The following TBC1D16 variants were observed in gnomAD, a reference collection of about 807,000 sequenced individuals.
TBC1D16 encodes CTD-2529O21.1.
Under a neutral mutation model 74.7 loss-of-function variants are expected in TBC1D16, and 58 were observed. That is an observed-to-expected ratio of 0.78 (90% CI 0.63 to 0.97). TBC1D16 has a LOEUF of 0.97. Among genes scored for constraint, TBC1D16 ranks in the 50% least tolerant of loss-of-function variants. The probability of loss-of-function intolerance (pLI) is 0.00; values close to 1 mark genes in which losing one functional copy is unlikely to be tolerated. For missense variants in TBC1D16, 1,014 were observed against 1,079.5 expected, an observed-to-expected ratio of 0.94 and a Z score of 0.85; for synonymous variants, 493 against 474.7, an observed-to-expected ratio of 1.04 and a Z score of -0.50.
Position 79,954,232 on chromosome 17 carries a change from C to G in TBC1D16, c.780-1414G>C, listed in dbSNP as rs914982001. On this transcript the variant is annotated intron_variant, in intron 3 of 11. Transcript: ENST00000310924. This position sits in a 1 kb window ranked among gnomAD's most constrained non-coding sequence, Gnocchi z 5.5. Reference sequence around the variant, plus strand: ...CAGAACATAAACTATTAGAGGCAATCAATCCAGAGGCACTTCCTCCTCCAA... The same window carrying G: ...CAGAACATAAACTATTAGAGGCAATGAATCCAGAGGCACTTCCTCCTCCAA... Among the ~76,000 whole-genome samples the G allele has an allele frequency of 1.3e-5, 2 of 152,190 alleles. No individual in the cohort carries two copies. The highest frequency in any genetic ancestry group is 4.8e-5 in the African/African-American group (2 of 41,444).
chr17:79,984,322 T>A (rs1026331072), intron 3 of TBC1D16, among the ~76,000 whole-genome samples: 6 of 152,166 alleles, frequency 3.9e-5, no homozygotes, highest in East Asian at 3.8e-4. Context: ...TCAAAAAAAA[T>A]TTTAAACCAA....
intron 9 of TBC1D16, among the ~76,000 whole-genome samples, 156 bp downstream of exon 9, chr17:79,947,489 G>A (rs533224453): frequency 6.6e-5 from 10 of 152,250 alleles, no homozygotes; most frequent in East Asian, 1.9e-4. Context: ...AGGCTAAGCC[G>A]CCCATATCCC....
At chr17:79,945,533 G>A (rs912628892) in intron 9 of TBC1D16, among the ~76,000 whole-genome samples, 2 of 152,206 alleles carry the variant, frequency 1.3e-5, no homozygotes, top group Non-Finnish European at 2.9e-5. Context: ...GCTGTTTTAG[G>A]GCAGGAAGGG....
intron 1 of TBC1D16, among the ~76,000 whole-genome samples, chr17:80,027,024 C>A (rs2036603106): frequency 7.2e-6 from 1 of 138,182 alleles, no homozygotes; most frequent in African/African-American, 3.5e-5. Flanking sequence ...AGGCCTGCAG[C>A]AAAGAACAGA....
chr17:79,948,108 C>T (rs773656040), intron 8 of TBC1D16, among the ~76,000 whole-genome samples: 1 of 152,108 alleles, frequency 6.6e-6, no homozygotes, highest in East Asian at 1.9e-4. Context: ...GTCAGGAGTT[C>T]GACACTAGCC....
At chr17:79,968,532 T>G (rs1158355131) in intron 3 of TBC1D16, among the ~76,000 whole-genome samples, 1 of 152,060 alleles carries the variant, frequency 6.6e-6, no homozygotes, top group African/African-American at 2.4e-5. Flanking sequence ...ATAAATCTGA[T>G]TTCATAAAAA....
At chr17:79,973,391 A>G (rs2034194971) in intron 3 of TBC1D16, among the ~76,000 whole-genome samples, 1 of 152,100 alleles carries the variant, frequency 6.6e-6, no homozygotes, top group Admixed American at 6.6e-5. Context: ...TGGGTAACAC[A>G]GTTAGACCCC....
Position 79,983,750 on chromosome 17 carries a change from G to A in TBC1D16, c.779+26410C>T, listed in dbSNP as rs577122827. The stretch of plus-strand genomic sequence containing the variant: ...AAGGAGTGGAGCACTGGCCTCCTAG[G>A]AAGCTCTAGTTCAGACACAGGGGGC... On this transcript the variant is annotated intron_variant, in intron 3 of 11. Transcript: ENST00000310924. This position sits in a 1 kb window ranked among gnomAD's most constrained non-coding sequence, Gnocchi z 5.6. 2.4e-4 allele frequency among the ~76,000 whole-genome samples: 36 copies of A among 152,286 alleles called. No homozygotes were observed. The highest frequency in any genetic ancestry group is 4.7e-4 in the Non-Finnish European group (32 of 67,994).
In TBC1D16 at chr17:79,951,377, A is replaced by C. The variant is rs372549138; in HGVS notation, c.1089+73T>G. ...CCCGGGGACCCCAGACACAGGACCC[A>C]GGAGGGAGATGGGGCCCGTGGGGGG... On this transcript the variant is annotated intron_variant, in intron 5 of 11. Coordinates refer to ENST00000310924, the MANE Select transcript of TBC1D16 (RefSeq NM_019020.4). The C allele has an allele frequency of 2.6e-6, 4 of 1,555,980 alleles. No homozygotes were observed. The African/African-American group carries it at 5.5e-5, about 21-fold the overall frequency.
In TBC1D16 at chr17:79,981,732, G is replaced by T. The variant is rs543506046; in HGVS notation, c.779+28428C>A. On this transcript the variant is annotated intron_variant, in intron 3 of 11. Transcript: ENST00000310924. This position sits in a 1 kb window ranked among gnomAD's most constrained non-coding sequence, Gnocchi z 6.9. Reference sequence around the variant, plus strand: ...GCGCCACCCTCGGAGCGGCTCCCTCGGCTCTTCTGTAATCTCAGCAAGAAC... The same window carrying T: ...GCGCCACCCTCGGAGCGGCTCCCTCTGCTCTTCTGTAATCTCAGCAAGAAC... Among the ~76,000 whole-genome samples, 1 of 152,194 alleles carries T rather than the reference G, an allele frequency of 6.6e-6. No homozygotes were observed. Among genetic ancestry groups the T allele is most frequent in the African/African-American group, 2.4e-5 (1 of 41,462 alleles).
chr17:79,995,405 G>A (rs747829144), intron 3 of TBC1D16, among the ~76,000 whole-genome samples: 13 of 152,008 alleles, frequency 8.6e-5, no homozygotes, highest in Admixed American at 2.0e-4. Flanking sequence ...TTCAACAAAC[G>A]ACGCGGGAGT....
At chr17:80,006,226 T>TTCTCTCTCTCTCTCTCTCTCTC (rs113353447) in intron 3 of TBC1D16, among the ~76,000 whole-genome samples, 12 of 148,914 alleles carry the variant, frequency 8.1e-5, no homozygotes, top group African/African-American at 3.0e-4. Context: ...CTCTCTTTCT[T>TTCTCTCTCTCTCTCTCTCTCTC]TCTCTCTCTC....
At chr17:79,957,073 T>A (rs1052932183) in intron 3 of TBC1D16, among the ~76,000 whole-genome samples, 1 of 152,166 alleles carries the variant, frequency 6.6e-6, no homozygotes, top group South Asian at 2.1e-4. Flanking sequence ...AGTCTCTGTG[T>A]TCTGTCTGGT....
chr17:80,005,016 A>G (rs1364601962), intron 3 of TBC1D16, among the ~76,000 whole-genome samples: 2 of 152,192 alleles, frequency 1.3e-5, no homozygotes, highest in African/African-American at 4.8e-5. Context: ...TCTTAGGATG[A>G]GGTCCAGAGG....
At chr17:79,973,088 CAA>C (rs1308287752) in intron 3 of TBC1D16, among the ~76,000 whole-genome samples, 1 of 151,908 alleles carries the variant, frequency 6.6e-6, no homozygotes, top group Non-Finnish European at 1.5e-5. Flanking sequence ...TCTCAAAACA[CAA>C]AAATGGTAAA....
At position 79,975,305 on chromosome 17, in the gene TBC1D16, A is replaced by G. The variant is rs1457702024; in HGVS notation, c.780-22487T>C. Among the ~76,000 whole-genome samples, 1 of 152,230 alleles carries G rather than the reference A, an allele frequency of 6.6e-6. No individual in the cohort carries two copies. Among genetic ancestry groups the G allele is most frequent in the Non-Finnish European group, 1.5e-5 (1 of 68,044 alleles). On this transcript the variant is annotated intron_variant, in intron 3 of 11. Transcript: ENST00000310924. This position sits in a 1 kb window ranked among gnomAD's most constrained non-coding sequence, Gnocchi z 4.5. ...TCTCCTGTAATCTACCTGGATTGGA[A>G]CGCCCAGCTTTGTACAGCCTGAGCT...
At chr17:80,003,312 C>T (rs1258158478) in intron 3 of TBC1D16, among the ~76,000 whole-genome samples, 1 of 152,222 alleles carries the variant, frequency 6.6e-6, no homozygotes, top group Non-Finnish European at 1.5e-5. Context: ...CACCCAAACA[C>T]CATCTTGCCT....
chr17:79,970,674 C>T (rs1219971419), intron 3 of TBC1D16, among the ~76,000 whole-genome samples: 3 of 152,026 alleles, frequency 2.0e-5, no homozygotes, highest in African/African-American at 7.2e-5. Context: ...GGAATGAGCA[C>T]AGGGTGGGAG....
chr17:79,941,969 T>G lies in TBC1D16; in HGVS notation c.2055+91A>C. 1.6e-6 allele frequency: 2 copies of G among 1,259,056 alleles called. No homozygotes were observed. Among genetic ancestry groups the G allele is most frequent in the Non-Finnish European group, 2.2e-6 (2 of 928,738 alleles). 78.0% of individuals were successfully genotyped at this position (1,259,056 alleles called of 1,614,324 possible). A position where few individuals can be genotyped will look rare whatever the true frequency, so the allele number is the denominator to read the frequency against. On this transcript the variant is annotated intron_variant, in intron 11 of 11. Coordinates refer to ENST00000310924, the MANE Select transcript of TBC1D16 (RefSeq NM_019020.4). This position sits in a 1 kb window ranked among gnomAD's most constrained non-coding sequence, Gnocchi z 4.3. ...TGGGGCTCTGGGGGCGGGGCCCACA[T>G]CTGGGGCAGCCTCACCTTTCTGAGA...
Sources: gnomAD v4.1 joint callset for allele counts (sites outside exome capture counted in the v4.1 genomes callset) on GRCh38, gnomAD v4.1.1 for gene constraint, Gnocchi (gnomAD v3.1) non-coding constraint, MANE v1.5 for transcripts, NCBI Gene and HGNC (gene_info 2026-07-23, HGNC 2026-07-21) for gene names.